PDE4B: variants seen among roughly 807,000 people sequenced by gnomAD.
PDE4B encodes the protein phosphodiesterase 4B, also known as 3',5'-cyclic-AMP phosphodiesterase 4B.
In PDE4B, 20 loss-of-function variants were observed where a neutral mutation model predicts 82.2. The ratio of observed to expected loss-of-function variants is 0.24; its 90% CI spans 0.17 to 0.35. The LOEUF is 0.35. PDE4B is among the 10% of genes least tolerant of loss of function. The pLI, the probability that PDE4B is intolerant of heterozygous loss-of-function variation, is 1.00. For missense variants in PDE4B, 655 were observed against 907.2 expected, an observed-to-expected ratio of 0.72 and a Z score of 3.57; for synonymous variants, 320 against 318.9, an observed-to-expected ratio of 1.00 and a Z score of -0.04.
At chr1:66,232,013 G>A (rs563147701) in intron 3 of PDE4B, among the ~76,000 whole-genome samples, 4 of 152,176 alleles carry the variant, frequency 2.6e-5, no homozygotes, top group African/African-American at 9.7e-5. Context: ...TGTCCAGCCC[G>A]ATGAAGGGCA....
At chr1:65,913,539 T>C (rs1407482795) in intron 2 of PDE4B, among the ~76,000 whole-genome samples, 183 bp downstream of exon 2, 1 of 152,184 alleles carries the variant, frequency 6.6e-6, no homozygotes, top group Admixed American at 6.5e-5. Flanking sequence ...AACAATGCCC[T>C]CTTTGCATCT....
intron 3 of PDE4B, among the ~76,000 whole-genome samples, chr1:66,206,319 G>A (rs1021630098): frequency 2.6e-5 from 4 of 152,112 alleles, no homozygotes; most frequent in African/African-American, 4.8e-5. Context: ...GTCCCTGAAC[G>A]TTCAGCAACA....
At chr1:66,166,685 G>T (rs1234934593) in intron 3 of PDE4B, among the ~76,000 whole-genome samples, 1 of 149,556 alleles carries the variant, frequency 6.7e-6, no homozygotes, top group African/African-American at 2.5e-5. Context: ...AGTGAGCTGA[G>T]ATGGTGCCAC....
At chr1:66,074,051 A>G (rs1656296190) in intron 3 of PDE4B, among the ~76,000 whole-genome samples, 1 of 152,104 alleles carries the variant, frequency 6.6e-6, no homozygotes, top group South Asian at 2.1e-4. Context: ...GAGCACTGTA[A>G]TTCGATAGGT....
In PDE4B at chr1:66,171,806, A is replaced by G. The variant is rs150906477; in HGVS notation, c.282-75654A>G. 3.4e-3 allele frequency among the ~76,000 whole-genome samples: 514 copies of G among 152,306 alleles called. 4 individuals carry two copies. The highest frequency in any genetic ancestry group is 0.012 in the African/African-American group (490 of 41,558). On this transcript the variant is annotated intron_variant, in intron 3 of 16. Transcript: ENST00000341517. ...GCATAGTTCCTGGCACATATGAAGC[A>G]CTCAATAAAAACTAAACTTGTATTG...
intron 3 of PDE4B, among the ~76,000 whole-genome samples, chr1:66,056,481 CT>C (rs1370689556): frequency 1.2e-4 from 17 of 142,354 alleles, no homozygotes; most frequent in Middle Eastern, 3.5e-3. Context: ...ATCTATCTAT[CT>C]ATCATCTATC....
chr1:66,151,616 G>T (rs1262953708), intron 3 of PDE4B, among the ~76,000 whole-genome samples: 4 of 152,114 alleles, frequency 2.6e-5, no homozygotes, highest in Admixed American at 6.5e-5. Context: ...GTCTTGTGAG[G>T]CTGAAAAATT....
At chr1:66,088,992 C>T (rs1015788050) in intron 3 of PDE4B, among the ~76,000 whole-genome samples, 11 of 152,008 alleles carry the variant, frequency 7.2e-5, no homozygotes, top group Non-Finnish European at 1.3e-4. Flanking sequence ...ACATTAGACA[C>T]GTAGTGAGAA....
chr1:66,339,128 A>G (rs1325269535), intron 8 of PDE4B, among the ~76,000 whole-genome samples: 3 of 152,252 alleles, frequency 2.0e-5, no homozygotes, highest in African/African-American at 7.2e-5. Context: ...AAGGCATGGA[A>G]CATGACCATA....
In PDE4B at chr1:65,839,255, T is replaced by G. The variant is rs79951341; in HGVS notation, c.-71+46007T>G. 5.1e-5 allele frequency among the ~76,000 whole-genome samples: 7 copies of G among 138,612 alleles called. No individual in the cohort carries two copies. The East Asian group carries it at 1.2e-3, about 23-fold the overall frequency. 90.9% of individuals were successfully genotyped at this position (138,612 alleles called of 152,430 possible). A position where few individuals can be genotyped will look rare whatever the true frequency, so the allele number is the denominator to read the frequency against. ...TTATACTTTCATTCAATACCAATGA[T>G]TTTTTTTTTTTAGTATTCTCCTATT... On this transcript the variant is annotated intron_variant, in intron 1 of 16. Transcript: ENST00000341517.
chr1:65,809,558 A>G (rs1325286166), intron 1 of PDE4B, among the ~76,000 whole-genome samples: 1 of 152,168 alleles, frequency 6.6e-6, no homozygotes, highest in Non-Finnish European at 1.5e-5. Context: ...TTGAAATATT[A>G]GCATAAATGA....
chr1:66,363,350 C>T, intron 11 of PDE4B, 57 bp from the exon 12 acceptor site: 2 of 1,552,340 alleles, frequency 1.3e-6, no homozygotes, highest in Non-Finnish European at 1.8e-6. Context: ...TCTGATTTAA[C>T]TTTCCTCGAC....
chr1:66,347,399 T>C (rs1318575786), intron 8 of PDE4B, among the ~76,000 whole-genome samples: 2 of 152,204 alleles, frequency 1.3e-5, no homozygotes, highest in African/African-American at 2.4e-5. Flanking sequence ...TAGTTAATAG[T>C]TTATGTGTGC....
chr1:66,111,113 A>G (rs1338189052), intron 3 of PDE4B, among the ~76,000 whole-genome samples: 2 of 152,092 alleles, frequency 1.3e-5, no homozygotes, highest in Non-Finnish European at 2.9e-5. Flanking sequence ...GTGCTATTTT[A>G]ATCACAGATT....
intron 3 of PDE4B, among the ~76,000 whole-genome samples, chr1:66,220,469 A>G (rs1301315806): frequency 6.6e-6 from 1 of 152,174 alleles, no homozygotes; most frequent in South Asian, 2.1e-4. Context: ...TTTAATGTGG[A>G]TATCAAAACT....
chr1:65,990,028 T>A (rs1017235947), intron 3 of PDE4B, among the ~76,000 whole-genome samples: 1 of 152,138 alleles, frequency 6.6e-6, no homozygotes, highest in African/African-American at 2.4e-5. Context: ...TTCAATTGGC[T>A]GTCTTTGGTA....
chr1:65,921,546 T>C (rs1012737513), intron 3 of PDE4B, among the ~76,000 whole-genome samples: 1 of 152,154 alleles, frequency 6.6e-6, no homozygotes, highest in African/African-American at 2.4e-5. Context: ...AATGAGCAAA[T>C]GTTTTCTCTA....
At chr1:65,848,552 A>G (rs1646293523) in intron 1 of PDE4B, among the ~76,000 whole-genome samples, 1 of 152,164 alleles carries the variant, frequency 6.6e-6, no homozygotes, top group African/African-American at 2.4e-5. Context: ...GTCACTTCTT[A>G]TGCCCTACTC....
intron 9 of PDE4B, among the ~76,000 whole-genome samples, chr1:66,356,903 C>T (rs893011309): frequency 2.0e-5 from 3 of 152,236 alleles, no homozygotes; most frequent in African/African-American, 7.2e-5. Flanking sequence ...TTTCATCCAT[C>T]CTAGCTCCCA....
Sources: allele counts gnomAD v4.1 joint callset (sites outside exome capture counted in the v4.1 genomes callset), GRCh38; gene constraint gnomAD v4.1.1; transcripts MANE v1.5; gene names NCBI Gene and HGNC (gene_info 2026-07-23, HGNC 2026-07-21).